COP1: variants seen among roughly 807,000 people sequenced by gnomAD.
COP1 encodes E3 ubiquitin-protein ligase COP1.
A neutral mutation model predicts 101.3 loss-of-function variants in COP1; 24 were observed. That is an observed-to-expected ratio of 0.24 (90% CI 0.17 to 0.33). The LOEUF (loss-of-function observed/expected upper bound fraction) is 0.33, where lower values mean the gene tolerates loss of function less well. Among genes scored for constraint, COP1 ranks in the 10% least tolerant of loss-of-function variants. COP1 has a pLI of 1.00. For synonymous variants in COP1, 347 were observed against 341.9 expected (o/e 1.01, Z -0.17); for missense variants, 663 against 906.2 (o/e 0.73, Z 3.45).
chr1:176,128,275 G>A (rs1688355796), intron 8 of COP1, among the ~76,000 whole-genome samples: 1 of 151,936 alleles, frequency 6.6e-6, no homozygotes, highest in Non-Finnish European at 1.5e-5. Context: ...TTTCAAGAAA[G>A]GTTTTCAGAA....
Position 176,175,936 on chromosome 1 carries a change from A to C in COP1, c.539T>G (p.Ile180Ser), listed in dbSNP as rs746605436. 23 of 1,578,022 alleles carry C rather than the reference A, an allele frequency of 1.5e-5. No homozygotes were observed. The highest frequency in any genetic ancestry group is 2.0e-5 in the Non-Finnish European group (23 of 1,149,630). ...CPKCNYVVDNIDHLYPNFLVN... is the reference protein window; with the variant it reads ...CPKCNYVVDNSDHLYPNFLVN... ...CAAGAAATTAGGATACAGATGGTCA[A>C]TATTGTCCACAACATAGTTACACTT... Residue 180 changes from isoleucine (I) to serine (S), a missense_variant, in exon 3 of 20, where the codon ATT (isoleucine) becomes AGT (serine). Physicochemically the swap from Ile to Ser is moderately radical, Grantham distance 142. This residue lies in a region of COP1 where 38 missense variants were observed against 78.5 expected (regional missense o/e 0.48). Coordinates refer to ENST00000367669, the MANE Select transcript of COP1 (RefSeq NM_022457.7).
chr1:176,124,578 C>T (rs1041934210), intron 8 of COP1, among the ~76,000 whole-genome samples: 1 of 152,062 alleles, frequency 6.6e-6, no homozygotes, highest in East Asian at 1.9e-4. Context: ...CAGTTCTATC[C>T]ATGTTGTTGC....
intron 11 of COP1, among the ~76,000 whole-genome samples, chr1:176,057,680 C>G (rs550325124): frequency 4.6e-5 from 7 of 152,242 alleles, no homozygotes; most frequent in African/African-American, 1.7e-4. Flanking sequence ...GATCTCGGCT[C>G]GCTACAACCT....
intron 5 of COP1, among the ~76,000 whole-genome samples, chr1:176,157,306 A>G (rs76409321): frequency 0.068 from 10,322 of 152,296 alleles, 455 homozygotes; most frequent in Non-Finnish European, 0.087. Context: ...TGGAATATTT[A>G]CAAAACAGAT....
intron 6 of COP1, among the ~76,000 whole-genome samples, chr1:176,144,090 T>C (rs867825142): frequency 1.3e-5 from 2 of 152,118 alleles, no homozygotes; most frequent in Non-Finnish European, 2.9e-5. Flanking sequence ...TTCATCATTG[T>C]ACCGGATGTC....
At chr1:176,167,463 C>T (rs1695320398) in intron 3 of COP1, among the ~76,000 whole-genome samples, 1 of 152,078 alleles carries the variant, frequency 6.6e-6, no homozygotes, top group Non-Finnish European at 1.5e-5. Flanking sequence ...ATGACATGCT[C>T]CTGGATTTTA....
chr1:176,022,635 T>C (rs1666945668), intron 15 of COP1, among the ~76,000 whole-genome samples: 1 of 152,344 alleles, frequency 6.6e-6, no homozygotes, highest in Admixed American at 6.5e-5. Flanking sequence ...AAAGTTTTTC[T>C]TGTATTAAAG....
chr1:175,950,565 C>T (rs77357230), intron 18 of COP1, among the ~76,000 whole-genome samples: 10,561 of 152,132 alleles, frequency 0.069, 459 homozygotes, highest in Admixed American at 0.087. Context: ...TCTGCTAGGG[C>T]CTACTATAAA....
intron 18 of COP1, among the ~76,000 whole-genome samples, chr1:175,965,735 C>T (rs754387591): frequency 1.3e-5 from 2 of 151,974 alleles, no homozygotes; most frequent in African/African-American, 4.8e-5. Context: ...ATTACATGTG[C>T]GTGCCACCAA....
chr1:176,190,115 T>A (rs1572768889), intron 1 of COP1, among the ~76,000 whole-genome samples: 1 of 152,120 alleles, frequency 6.6e-6, no homozygotes, highest in South Asian at 2.1e-4. Flanking sequence ...TTCAAACTAC[T>A]GCAGGGTGAA....
chr1:175,990,881 G>A (rs866807103), intron 15 of COP1, among the ~76,000 whole-genome samples: 3 of 150,796 alleles, frequency 2.0e-5, no homozygotes, highest in Non-Finnish European at 4.4e-5. Context: ...TCTATCTCTT[G>A]TAGACAGCAT....
At chr1:175,960,390 C>A (rs1341008041) in intron 18 of COP1, among the ~76,000 whole-genome samples, 9 of 152,138 alleles carry the variant, frequency 5.9e-5, no homozygotes, top group Admixed American at 5.9e-4. Flanking sequence ...ATCAAACAGA[C>A]ACATACATAA....
At chr1:175,979,203 T>C (rs1319476416) in intron 18 of COP1, among the ~76,000 whole-genome samples, 1 of 152,098 alleles carries the variant, frequency 6.6e-6, no homozygotes, top group Non-Finnish European at 1.5e-5. Flanking sequence ...TCCCCCAAAA[T>C]ATGTATTCAT....
At chr1:176,116,080 G>A (rs1686140684) in intron 9 of COP1, among the ~76,000 whole-genome samples, 1 of 152,026 alleles carries the variant, frequency 6.6e-6, no homozygotes, top group East Asian at 1.9e-4. Flanking sequence ...GAAATTAACA[G>A]TAAGTTTTAA....
Position 176,206,714 on chromosome 1 carries a change from G to T in COP1, c.265C>A (p.His89Asn), listed in dbSNP as rs1700900890. 2 of 1,592,712 alleles carry T rather than the reference G, an allele frequency of 1.3e-6. No individual in the cohort carries two copies. Among genetic ancestry groups the T allele is most frequent in the African/African-American group, 1.3e-5 (1 of 74,608 alleles). ...GCGCTGGGCCTGGCCGCGCAGCTGT[G>T]CCGGGACAGGCCCGTGGACACCGCC... is the stretch of plus-strand genomic sequence containing the variant. ...GGAVSTGLSR[H>N]SCAARPSAGV... The change falls in exon 1 of 20, where the codon CAC (histidine) becomes AAC (asparagine). Residue 89 changes from histidine to asparagine, a missense_variant. Physicochemically the swap from His to Asn is moderately conservative, Grantham distance 68. This residue lies in a region of COP1 where 204 missense variants were observed against 203.6 expected (regional missense o/e 1.00). Transcript: ENST00000367669.
chr1:176,139,288 C>CAAAAAAAA (rs563184945), intron 6 of COP1, among the ~76,000 whole-genome samples: 2 of 108,366 alleles, frequency 1.8e-5, no homozygotes, highest in Admixed American at 9.2e-5. Context: ...ACAAAAAAAA[C>CAAAAAAAA]AAAAAAAAAA....
At chr1:176,176,248 C>T (rs1015442397) in intron 2 of COP1, among the ~76,000 whole-genome samples, 4 of 152,112 alleles carry the variant, frequency 2.6e-5, no homozygotes, top group Non-Finnish European at 5.9e-5. Flanking sequence ...ACAAATTTAA[C>T]AAGCTGTACT....
At chr1:176,127,605 G>A (rs1183761389) in intron 8 of COP1, among the ~76,000 whole-genome samples, 1 of 149,012 alleles carries the variant, frequency 6.7e-6, no homozygotes, top group African/African-American at 2.5e-5. Context: ...GTATATATGT[G>A]TGTGTGTGTA....
At chr1:176,110,455 G>A (rs1685089646) in intron 9 of COP1, among the ~76,000 whole-genome samples, 1 of 152,140 alleles carries the variant, frequency 6.6e-6, no homozygotes, top group African/African-American at 2.4e-5. Context: ...TGCCTAGGAA[G>A]TTTTCCCAGG....
Sources: gnomAD v4.1 joint callset for allele counts (sites outside exome capture counted in the v4.1 genomes callset) on GRCh38, gnomAD v4.1.1 for gene constraint, gnomAD v4.1.1 regional missense constraint, MANE v1.5 for transcripts, NCBI Gene and HGNC (gene_info 2026-07-23, HGNC 2026-07-21) for gene names.